The following OXR1 variants were observed in gnomAD, a reference collection of about 807,000 sequenced individuals.
OXR1 encodes the protein oxidation resistance 1, also known as oxidation resistance protein 1.
In OXR1, 41 loss-of-function variants were observed where a neutral mutation model predicts 104.6. The observed-to-expected ratio is 0.39, with a 90% CI of 0.31 to 0.51. OXR1 has a LOEUF of 0.51. Among genes scored for constraint, OXR1 ranks in the 20% least tolerant of loss-of-function variants. OXR1 has a pLI of 0.77. For synonymous variants in OXR1, 348 were observed against 348.4 expected (o/e 1.00, Z 0.01); for missense variants, 955 against 1,031.9 (o/e 0.93, Z 1.02).
chr8:106,402,332 T>C (rs955650154), intron 2 of OXR1, among the ~76,000 whole-genome samples: 7 of 152,196 alleles, frequency 4.6e-5, no homozygotes, highest in African/African-American at 1.7e-4. Flanking sequence ...TTTACTAGTT[T>C]TCTAGGTACA....
At chr8:106,285,036 T>C (rs946345209) in intron 1 of OXR1, among the ~76,000 whole-genome samples, 5 of 152,166 alleles carry the variant, frequency 3.3e-5, no homozygotes, top group Non-Finnish European at 1.5e-5. Context: ...GTTACATATG[T>C]ATACATGTGC....
chr8:106,585,227 A>G (rs1421059343), intron 3 of OXR1, among the ~76,000 whole-genome samples: 2 of 152,084 alleles, frequency 1.3e-5, no homozygotes, highest in Non-Finnish European at 2.9e-5. Context: ...GTGGATGGCA[A>G]TTCTAGAATA....
At chr8:106,454,139 C>A (rs1820472668) in intron 2 of OXR1, among the ~76,000 whole-genome samples, 1 of 152,156 alleles carries the variant, frequency 6.6e-6, no homozygotes, top group South Asian at 2.1e-4. Context: ...TTTCTACCTG[C>A]AAATCATTGA....
chr8:106,518,401 C>T (rs1813007395), intron 2 of OXR1, among the ~76,000 whole-genome samples: 1 of 152,048 alleles, frequency 6.6e-6, no homozygotes, highest in African/African-American at 2.4e-5. Flanking sequence ...CCATGTTAGG[C>T]CTTATGTCAG....
intron 11 of OXR1, among the ~76,000 whole-genome samples, chr8:106,731,484 C>G (rs757764101): frequency 3.3e-5 from 5 of 152,180 alleles, no homozygotes; most frequent in Non-Finnish European, 5.9e-5. Context: ...TAAAAGTGCA[C>G]CTTCAGACTT....
chr8:106,542,916 G>A (rs950333000), intron 3 of OXR1, among the ~76,000 whole-genome samples: 4 of 152,080 alleles, frequency 2.6e-5, no homozygotes, highest in African/African-American at 4.8e-5. Context: ...TTGTGTCAAC[G>A]ATTGCCCCCA....
At chr8:106,660,499 A>G (rs1164205568) in intron 3 of OXR1, among the ~76,000 whole-genome samples, 3 of 152,198 alleles carry the variant, frequency 2.0e-5, no homozygotes, top group Non-Finnish European at 4.4e-5. Context: ...ACTTTCACAC[A>G]TGTAAATTGA....
chr8:106,479,114 T>A (rs924664736), intron 2 of OXR1, among the ~76,000 whole-genome samples: 6 of 151,974 alleles, frequency 3.9e-5, no homozygotes, highest in Non-Finnish European at 8.8e-5. Flanking sequence ...CTTTTACAAT[T>A]CCATCCTAAC....
chr8:106,513,901 A>T (rs1259615994), intron 2 of OXR1, among the ~76,000 whole-genome samples: 3 of 152,174 alleles, frequency 2.0e-5, no homozygotes, highest in Non-Finnish European at 1.5e-5. Context: ...CAGCATTGTT[A>T]CCATGCTGAA....
chr8:106,289,984 A>G (rs541495780), intron 1 of OXR1, among the ~76,000 whole-genome samples: 3 of 152,210 alleles, frequency 2.0e-5, no homozygotes, highest in African/African-American at 7.2e-5. Context: ...CCCTTCCACC[A>G]TGATTGTAAG....
At chr8:106,522,494 A>G (rs1343278905) in intron 3 of OXR1, among the ~76,000 whole-genome samples, 1 of 152,228 alleles carries the variant, frequency 6.6e-6, no homozygotes, top group Non-Finnish European at 1.5e-5. Context: ...CCATAGATGC[A>G]GAGCCTACAG....
intron 3 of OXR1, among the ~76,000 whole-genome samples, chr8:106,661,951 C>A (rs528363934): frequency 6.6e-6 from 1 of 152,292 alleles, no homozygotes; most frequent in Admixed American, 6.5e-5. Flanking sequence ...ATTAACTCCT[C>A]TGATGTTGGG....
intron 7 of OXR1, among the ~76,000 whole-genome samples, chr8:106,698,300 T>C (rs1370878230): frequency 6.6e-6 from 1 of 152,246 alleles, no homozygotes; most frequent in African/African-American, 2.4e-5. Flanking sequence ...AAAATGTGTC[T>C]ATCTTTGGTT....
At chr8:106,721,515 G>A (rs1832819667) in intron 11 of OXR1, among the ~76,000 whole-genome samples, 1 of 152,068 alleles carries the variant, frequency 6.6e-6, no homozygotes, top group South Asian at 2.1e-4. Flanking sequence ...GAATAAAATT[G>A]CTCTGGCTTC....
intron 2 of OXR1, among the ~76,000 whole-genome samples, chr8:106,373,437 C>CA (rs1307689708): frequency 6.6e-6 from 1 of 152,116 alleles, no homozygotes; most frequent in African/African-American, 2.4e-5. Flanking sequence ...AGTACCCATC[C>CA]AGGTGCTAAC....
intron 1 of OXR1, among the ~76,000 whole-genome samples, chr8:106,281,963 ATAC>A (rs1812308520): frequency 6.6e-6 from 1 of 152,162 alleles, no homozygotes; most frequent in African/African-American, 2.4e-5. Context: ...CATACATAAA[ATAC>A]TACTGATTTA....
At chr8:106,459,612 G>A (rs1424902342) in intron 2 of OXR1, among the ~76,000 whole-genome samples, 1 of 151,806 alleles carries the variant, frequency 6.6e-6, no homozygotes, top group East Asian at 1.9e-4. Flanking sequence ...CTTTATTCCT[G>A]TCCCCATCTA....
intron 3 of OXR1, among the ~76,000 whole-genome samples, chr8:106,561,840 T>C (rs923099024): frequency 9.8e-5 from 15 of 152,290 alleles, no homozygotes; most frequent in Admixed American, 9.2e-4. Flanking sequence ...AAACAGGGTC[T>C]GGAGTGGACA....
chr8:106,274,385 G>T (rs367771747), intron 1 of OXR1, among the ~76,000 whole-genome samples: 1 of 152,210 alleles, frequency 6.6e-6, no homozygotes, highest in Middle Eastern at 3.4e-3. Context: ...AAATTTGGTC[G>T]TTGTATCTAC....
Sources: allele counts gnomAD v4.1 joint callset (sites outside exome capture counted in the v4.1 genomes callset), GRCh38; gene constraint gnomAD v4.1.1; transcripts MANE v1.5; gene names NCBI Gene and HGNC (gene_info 2026-07-23, HGNC 2026-07-21).